The following RHBDD3 variants were observed in gnomAD, a reference collection of about 807,000 sequenced individuals.
RHBDD3 encodes rhomboid domain containing 3.
Under a neutral mutation model 32.3 loss-of-function variants are expected in RHBDD3, and 34 were observed. That is an observed-to-expected ratio of 1.05 (90% CI 0.80 to 1.40). The LOEUF is 1.40. RHBDD3 is among the 40% of genes most tolerant of loss of function. RHBDD3 has a pLI of 0.00. For synonymous variants in RHBDD3, 249 were observed against 239.1 expected, an observed-to-expected ratio of 1.04 and a Z score of -0.38; for missense variants, 482 against 492.6, an observed-to-expected ratio of 0.98 and a Z score of 0.20.
Position 29,259,963 on chromosome 22 carries a change from T to C in RHBDD3, c.*97A>G, listed in dbSNP as rs2058089339. On this transcript the variant is annotated 3_prime_UTR_variant, in exon 7 of 7. Transcript: ENST00000216085. ...CTCCAGAGGTGCCCCTGCTCCCCAC[T>C]GTGGCCCTCTTTAGACAGAGTAGGA... 1.5e-5 allele frequency: 19 copies of C among 1,283,506 alleles called. No individual in the cohort carries two copies. Among genetic ancestry groups the C allele is most frequent in the Non-Finnish European group, 1.9e-5 (18 of 941,336 alleles). 79.5% of individuals were successfully genotyped at this position (1,283,506 alleles called of 1,614,324 possible).
At chr22:29,268,144 T>G, upstream of RHBDD3, 1 of 677,068 alleles carries the variant, frequency 1.5e-6, no homozygotes, top group Middle Eastern at 3.9e-4. Context: ...CGGGCGCTCT[T>G]TAGAGAGGAC....
In RHBDD3 at chr22:29,260,429, C is replaced by T. The variant is rs1396960164; in HGVS notation, c.880G>A (p.Glu294Lys). The T allele has an allele frequency of 3.1e-6, 5 of 1,610,982 alleles. No individual in the cohort carries two copies. The African/African-American group carries it at 4.0e-5, about 13-fold the overall frequency. The stretch of plus-strand genomic sequence containing the variant: ...TGGATGCCCTCCTGCAGCATCTGCT[C>T]ATCCAAGGCCGCCCACATCGGAGTC... ...PGTPMWAALD[E>K]QMLQEGIQAS... The change falls in exon 6 of 7, where the codon GAG becomes AAG. Residue 294 changes from glutamate to lysine, a missense_variant. Transcript: ENST00000216085.
chr22:29,265,082 T>G, intron 3 of RHBDD3: 1 of 155,480 alleles, frequency 6.4e-6, no homozygotes, highest in Non-Finnish European at 1.4e-5. Flanking sequence ...CCGGCCAATT[T>G]TTGTATTTTT....
Position 29,264,110 on chromosome 22 carries a change from G to C in RHBDD3, c.257C>G (p.Thr86Arg), listed in dbSNP as rs2272902. The C allele has an allele frequency of 6.9e-6, 11 of 1,585,578 alleles. No individual in the cohort carries two copies. In the East Asian group the frequency reaches 2.5e-4, roughly 36 times the overall value. The change falls in exon 4 of 7, where the codon ACG becomes AGG. Residue 86 changes from threonine to arginine, a missense_variant. Transcript: ENST00000216085. Reference sequence around the variant, plus strand: ...GGCTGAGGCATGCAGGAATCTCAGCGTGCCCAGGTGGCACTCCTGCTGCCA... The same window carrying C: ...GGCTGAGGCATGCAGGAATCTCAGCCTGCCCAGGTGGCACTCCTGCTGCCA... ...VGWQQECHLG[T>R]LRFLHASALL...
At chr22:29,268,103 C>T, upstream of RHBDD3, 1 of 613,678 alleles carries the variant, frequency 1.6e-6, no homozygotes, top group Non-Finnish European at 2.9e-6. Context: ...GCTCTGGCCC[C>T]TTAGATGCTA....
rs987784330 is a variant in RHBDD3 at position 29,264,374 on chromosome 22, A to G, written c.149-156T>C. ...GTCTTCCCACAGCCAGCACTTAATC[A>G]TTGGTGGAAGGGACCAAGGACTTCC... is the stretch of plus-strand genomic sequence containing the variant. On this transcript the variant is annotated intron_variant, in intron 3 of 6. Transcript: ENST00000216085. 4 of 1,429,044 alleles carry G rather than the reference A, an allele frequency of 2.8e-6. No homozygotes were observed. The Admixed American group carries it at 9.1e-5, about 32-fold the overall frequency. 88.5% of individuals were successfully genotyped at this position (1,429,044 alleles called of 1,614,324 possible).
At chr22:29,263,067 C>T (rs548703058) in intron 4 of RHBDD3, among the ~76,000 whole-genome samples, 117 of 148,546 alleles carry the variant, frequency 7.9e-4, no homozygotes, top group African/African-American at 2.8e-3. Context: ...GGTTTGAGAC[C>T]GGGGTCTTGC....
intron 4 of RHBDD3, among the ~76,000 whole-genome samples, chr22:29,262,715 CT>C (rs942115182): frequency 6.6e-6 from 1 of 150,958 alleles, no homozygotes; most frequent in African/African-American, 2.4e-5. Context: ...TTTTAATTTT[CT>C]TTTTTTTTGA....
rs753203474 is a variant in RHBDD3, at chr22:29,260,531, G to C, written c.778C>G (p.Leu260Val). The C allele has an allele frequency of 1.3e-6, 2 of 1,597,870 alleles. No homozygotes were observed. Among genetic ancestry groups the C allele is most frequent in the Non-Finnish European group, 8.5e-7 (1 of 1,174,856 alleles). The change falls in exon 6 of 7, where the codon CTG (leucine) becomes GTG (valine). Residue 260 changes from leucine to valine, a missense_variant. Physicochemically the swap from Leu to Val is conservative, Grantham distance 32 (BLOSUM62 1). Coordinates refer to ENST00000216085, the MANE Select transcript of RHBDD3 (RefSeq NM_012265.3). ...TCCCAGGTGGGCTGCACAGGCCTCA[G>C]GCTTGGTGGGGGCAGGGCTGAGTCT... is the stretch of plus-strand genomic sequence containing the variant. The part of the protein sequence containing the change: ...WEDSALPPPS[L>V]RPVQPTWEGS...
intron 4 of RHBDD3, chr22:29,261,217 C>A: frequency 1.9e-6 from 1 of 525,628 alleles, no homozygotes; most frequent in South Asian, 1.6e-5. Context: ...TGCCTTCAGA[C>A]AGGCCTGGAT....
In RHBDD3 at chr22:29,259,905, T is replaced by C; in HGVS notation, c.*155A>G. The C allele has an allele frequency of 7.1e-6, 5 of 704,698 alleles. No homozygotes were observed. Among genetic ancestry groups the C allele is most frequent in the Non-Finnish European group, 1.2e-5 (5 of 432,668 alleles). The allele number at this position is 704,698 out of a possible 1,614,324, so 43.7% of individuals were successfully genotyped here. ...CAAACTGGTTTTTATTCTAAACACGTACTAGGGCAGCATGCTGGGGGGCCT... is the reference window on the plus strand; with the variant it reads ...CAAACTGGTTTTTATTCTAAACACGCACTAGGGCAGCATGCTGGGGGGCCT... On this transcript the variant is annotated 3_prime_UTR_variant, in exon 7 of 7. Coordinates refer to ENST00000216085, the MANE Select transcript of RHBDD3 (RefSeq NM_012265.3).
chr22:29,264,166 G>C lies in RHBDD3; in HGVS notation c.201C>G (p.Leu67=). 1 of 1,584,772 alleles carries C rather than the reference G, an allele frequency of 6.3e-7. No homozygotes were observed. The change falls in exon 4 of 7, where the codon CTC becomes CTG. Residue 67 remains leucine (L), a synonymous_variant. Coordinates refer to ENST00000216085, the MANE Select transcript of RHBDD3 (RefSeq NM_012265.3). ...ALGHTALPGL[L]LSLLLLPTVG... ...CAGTGGGCAGGAGCAGCAGGCTCAG[G>C]AGCAGGCCTGGCAGGGCCGTGTGGC...
intron 2 of RHBDD3, among the ~76,000 whole-genome samples, chr22:29,265,953 C>T (rs958173183): frequency 6.6e-6 from 1 of 152,166 alleles, no homozygotes; most frequent in Non-Finnish European, 1.5e-5. Flanking sequence ...GCCCTCACCC[C>T]CCAGGGCGAA....
rs755551114 is a variant in RHBDD3, at chr22:29,267,497, G to C, written c.-114C>G. 6.5e-6 allele frequency: 1 copy of C among 152,814 alleles called. No individual in the cohort carries two copies. Among genetic ancestry groups the C allele is most frequent in the African/African-American group, 2.4e-5 (1 of 41,456 alleles). 9.5% of individuals were successfully genotyped at this position (152,814 alleles called of 1,614,324 possible). ...TTCTTCCGGTGGCGGATAGAGTAGG[G>C]GGTCCCAGGATCTGTCTGGTTCGAA... On this transcript the variant is annotated 5_prime_UTR_variant, in exon 2 of 7. Coordinates refer to ENST00000216085, the MANE Select transcript of RHBDD3 (RefSeq NM_012265.3).
chr22:29,260,227 G>A lies in RHBDD3; in HGVS notation c.994C>T (p.Leu332=), dbSNP rs1472635628. 1 of 1,600,582 alleles carries A rather than the reference G, an allele frequency of 6.2e-7. No individual in the cohort carries two copies. Among genetic ancestry groups the A allele is most frequent in the South Asian group, 1.1e-5 (1 of 88,908 alleles). ...TCCGTAGGGAAGCCCATGCGCTCCA[G>A]CTGCTGCAGCCTGTTGGGGGTGGGG... ...SSVSSLRLQQ[L]ERMGFPTEQA... Residue 332 remains leucine, a synonymous_variant, in exon 7 of 7, where the codon CTG becomes TTG. Transcript: ENST00000216085.
chr22:29,261,360 G>C, intron 4 of RHBDD3: 1 of 465,748 alleles, frequency 2.1e-6, no homozygotes, highest in Non-Finnish European at 4.4e-6. Flanking sequence ...ACTTGGGGAG[G>C]CTGAGACGGG....
chr22:29,260,423 T>A lies in RHBDD3; in HGVS notation c.886A>T (p.Met296Leu). 1 of 1,610,938 alleles carries A rather than the reference T, an allele frequency of 6.2e-7. No homozygotes were observed. Among genetic ancestry groups the A allele is most frequent in the East Asian group, 2.2e-5 (1 of 44,674 alleles). The change falls in exon 6 of 7, where the codon ATG (methionine) becomes TTG (leucine). Residue 296 changes from methionine to leucine, a missense_variant. By Grantham distance (15) the Met-to-Leu change is conservative. Coordinates refer to ENST00000216085, the MANE Select transcript of RHBDD3 (RefSeq NM_012265.3). ...GAGGCCTGGATGCCCTCCTGCAGCA[T>A]CTGCTCATCCAAGGCCGCCCACATC... ...TPMWAALDEQ[M>L]LQEGIQASLL...
intron 4 of RHBDD3, among the ~76,000 whole-genome samples, chr22:29,263,458 G>A (rs747254933): frequency 2.0e-5 from 3 of 152,240 alleles, no homozygotes; most frequent in Non-Finnish European, 4.4e-5. Flanking sequence ...GGTTACAGGC[G>A]TGAGCCACTG....
At chr22:29,264,416 CCT>C in intron 3 of RHBDD3, 198 bp from the exon 4 acceptor site, 1 of 1,405,170 alleles carries the variant, frequency 7.1e-7, no homozygotes. Context: ...TGTGGCTACG[CCT>C]CTGTGGTATT....
Sources: gnomAD v4.1 joint callset for allele counts (sites outside exome capture counted in the v4.1 genomes callset) on GRCh38, gnomAD v4.1.1 for gene constraint, MANE v1.5 for transcripts, NCBI Gene and HGNC (gene_info 2026-07-23, HGNC 2026-07-21) for gene names.